Variants in ADCY8 observed in about 807,000 individuals in gnomAD.
ADCY8 encodes the protein adenylate cyclase 8, also known as adenylate cyclase type 8.
Under a neutral mutation model 119.7 loss-of-function variants are expected in ADCY8, and 51 were observed. The ratio of observed to expected loss-of-function variants is 0.43; its 90% confidence interval spans 0.34 to 0.54. ADCY8 has a LOEUF of 0.54. Among genes scored for constraint, ADCY8 ranks in the 20% least tolerant of loss-of-function variants. The pLI is 0.03. For missense variants in ADCY8, 1,383 were observed against 1,598.8 expected, an observed-to-expected ratio of 0.87 and a Z score of 2.30; for synonymous variants, 665 against 651.0, an observed-to-expected ratio of 1.02 and a Z score of -0.33.
chr8:130,782,679 T>C (rs919114248), intron 17 of ADCY8, among the ~76,000 whole-genome samples: 4 of 152,224 alleles, frequency 2.6e-5, no homozygotes, highest in South Asian at 2.1e-4. Flanking sequence ...ATAAGATTGA[T>C]GGAAGATGTG....
intron 5 of ADCY8, among the ~76,000 whole-genome samples, chr8:130,919,754 G>A (rs762796935): frequency 4.3e-4 from 65 of 152,130 alleles, no homozygotes; most frequent in Admixed American, 2.0e-4. Flanking sequence ...TGAGACCACT[G>A]CAATTCACTT....
At chr8:130,942,860 G>T (rs1040688540) in intron 4 of ADCY8, among the ~76,000 whole-genome samples, 10 of 152,224 alleles carry the variant, frequency 6.6e-5, no homozygotes, top group African/African-American at 2.2e-4. Flanking sequence ...GCTGGAAAAT[G>T]AAGGTACTGT....
chr8:130,839,254 G>A (rs1339822485), intron 11 of ADCY8, among the ~76,000 whole-genome samples: 1 of 139,808 alleles, frequency 7.2e-6, no homozygotes, highest in Non-Finnish European at 1.6e-5. Flanking sequence ...TGTGTTGATG[G>A]GTCTTTCTCG....
Position 130,885,666 on chromosome 8 carries a change from A to AC in ADCY8, c.1912-906_1912-905insG, listed in dbSNP as rs900543279. 2.3e-4 allele frequency among the ~76,000 whole-genome samples: 35 copies of AC among 151,436 alleles called. 1 individual carries two copies. The highest frequency in any genetic ancestry group is 1.3e-3 in the South Asian group (6 of 4,782). On this transcript the variant is annotated intron_variant, in intron 7 of 17. Transcript: ENST00000286355. Reference sequence around the variant, plus strand: ...GGCAGCTTCTTAGACCAAAAAACAAAAAAAAAAGTGTGAGTTGGACCTGAA... The same window carrying AC: ...GGCAGCTTCTTAGACCAAAAAACAAACAAAAAAAGTGTGAGTTGGACCTGAA...
chr8:130,894,469 A>G (rs1337971826), intron 7 of ADCY8, among the ~76,000 whole-genome samples: 1 of 152,150 alleles, frequency 6.6e-6, no homozygotes, highest in Admixed American at 6.6e-5. Flanking sequence ...AATGTATCCA[A>G]AGTCCTTACT....
At chr8:131,029,173 T>G (rs1055893634) in intron 1 of ADCY8, among the ~76,000 whole-genome samples, 6 of 152,246 alleles carry the variant, frequency 3.9e-5, no homozygotes, top group Admixed American at 6.5e-5. Flanking sequence ...AGATCTAGAC[T>G]GCAAGCTCCT....
At chr8:131,006,470 G>C (rs1175148758) in intron 1 of ADCY8, among the ~76,000 whole-genome samples, 1 of 152,070 alleles carries the variant, frequency 6.6e-6, no homozygotes, top group Admixed American at 6.6e-5. Flanking sequence ...GCTTTTTCAA[G>C]TTTATTTACT....
At chr8:130,980,020 T>C (rs1363062446) in intron 2 of ADCY8, among the ~76,000 whole-genome samples, 5 of 152,128 alleles carry the variant, frequency 3.3e-5, no homozygotes, top group Admixed American at 1.3e-4. Context: ...ATTGTCAGGG[T>C]TGGATTTTTT....
At chr8:130,849,081 C>G (rs998166432) in intron 10 of ADCY8, among the ~76,000 whole-genome samples, 2 of 152,174 alleles carry the variant, frequency 1.3e-5, no homozygotes, top group African/African-American at 4.8e-5. Context: ...CCCACTCCCA[C>G]TCCCAGAGAT....
At chr8:130,988,424 C>G (rs954890827) in intron 2 of ADCY8, among the ~76,000 whole-genome samples, 1 of 152,164 alleles carries the variant, frequency 6.6e-6, no homozygotes, top group Non-Finnish European at 1.5e-5. Flanking sequence ...CAAAAGATAG[C>G]CTTTTCTTGT....
At chr8:130,960,015 T>C (rs1417772148) in intron 2 of ADCY8, among the ~76,000 whole-genome samples, 1 of 152,042 alleles carries the variant, frequency 6.6e-6, no homozygotes, top group African/African-American at 2.4e-5. Flanking sequence ...GTAGATTCAA[T>C]GAAATGGTTA....
At chr8:130,835,479 C>T (rs1816957479) in intron 12 of ADCY8, among the ~76,000 whole-genome samples, 1 of 152,170 alleles carries the variant, frequency 6.6e-6, no homozygotes, top group African/African-American at 2.4e-5. Context: ...CTTGCATTCG[C>T]CTCTCATCCT....
At chr8:131,007,422 G>C (rs1000220713) in intron 1 of ADCY8, among the ~76,000 whole-genome samples, 1 of 152,186 alleles carries the variant, frequency 6.6e-6, no homozygotes, top group Non-Finnish European at 1.5e-5. Flanking sequence ...CACATCTAGA[G>C]AGAGCATGTG....
intron 2 of ADCY8, among the ~76,000 whole-genome samples, chr8:130,964,603 A>G (rs4736730): frequency 0.78 from 119,261 of 152,182 alleles, 50,162 homozygotes; most frequent in East Asian, 0.95. Context: ...TGTGAAAAAA[A>G]TTATAAAAAT....
At chr8:130,951,750 C>T (rs1821277425) in intron 3 of ADCY8, 118 bp downstream of exon 3, 1 of 1,262,970 alleles carries the variant, frequency 7.9e-7, no homozygotes. Context: ...ATGAATTAAT[C>T]AACCAGATGA....
At chr8:131,031,825 CA>C (rs1286813879) in intron 1 of ADCY8, among the ~76,000 whole-genome samples, 1 of 152,090 alleles carries the variant, frequency 6.6e-6, no homozygotes, top group Non-Finnish European at 1.5e-5. Flanking sequence ...TTTGTTATAG[CA>C]GCATAAGATG....
intron 3 of ADCY8, among the ~76,000 whole-genome samples, chr8:130,945,011 G>A (rs934218807): frequency 6.6e-6 from 1 of 152,180 alleles, no homozygotes; most frequent in African/African-American, 2.4e-5. Context: ...GTAGAGAAAA[G>A]TCTCAGCTGG....
chr8:130,784,800 A>G (rs1815200628), intron 16 of ADCY8, among the ~76,000 whole-genome samples: 1 of 152,158 alleles, frequency 6.6e-6, no homozygotes, highest in Admixed American at 6.5e-5. Context: ...AAGCATACGA[A>G]GGATTGGAAG....
chr8:130,819,270 G>C (rs1384289642), intron 13 of ADCY8, among the ~76,000 whole-genome samples: 1 of 152,158 alleles, frequency 6.6e-6, no homozygotes, highest in African/African-American at 2.4e-5. Flanking sequence ...TAATTTCAAA[G>C]CCTTTTGAAA....
Sources: allele counts gnomAD v4.1 joint callset (sites outside exome capture counted in the v4.1 genomes callset), GRCh38; gene constraint gnomAD v4.1.1; transcripts MANE v1.5; gene names NCBI Gene and HGNC (gene_info 2026-07-23, HGNC 2026-07-21).